Variants in ENOX1 observed in about 807,000 individuals in gnomAD.
ENOX1 encodes ecto-NOX disulfide-thiol exchanger 1, also known as candidate growth-related and time keeping constitutive hydroquinone (NADH) oxidase.
ENOX1 carries 42 observed loss-of-function variants against 82.5 expected under a neutral mutation model. That is an observed-to-expected ratio of 0.51 (90% CI 0.40 to 0.66). The LOEUF (loss-of-function observed/expected upper bound fraction) is 0.66. ENOX1 is among the 30% of genes least tolerant of loss of function. ENOX1 has a pLI of 0.00. For missense variants in ENOX1, 608 were observed against 811.6 expected, an observed-to-expected ratio of 0.75 and a Z score of 3.05; for synonymous variants, 271 against 282.2, an observed-to-expected ratio of 0.96 and a Z score of 0.40.
chr13:43,445,415 C>A lies in ENOX1; in HGVS notation c.-74-32427G>T, dbSNP rs56967477. Among the ~76,000 whole-genome samples, 1,155 of 151,218 alleles carry A rather than the reference C, an allele frequency of 7.6e-3. 16 individuals are homozygous for A. Among genetic ancestry groups the A allele is most frequent in the African/African-American group, 0.027 (1,103 of 41,394 alleles). On this transcript the variant is annotated intron_variant, in intron 3 of 16. Transcript: ENST00000690772. ...TGGGATTACAGGTGTGAGCCACTGC[C>A]CCCGGCCCACTTTCTGGGTCTTATA...
chr13:43,338,938 G>C (rs1044900160), intron 9 of ENOX1, among the ~76,000 whole-genome samples: 1 of 152,120 alleles, frequency 6.6e-6, no homozygotes, highest in Non-Finnish European at 1.5e-5. Context: ...GCCCGCCTTG[G>C]CCTCCCAAAG....
At chr13:43,756,286 C>T (rs911808142) in intron 1 of ENOX1, among the ~76,000 whole-genome samples, 2 of 151,800 alleles carry the variant, frequency 1.3e-5, no homozygotes, top group African/African-American at 4.8e-5. Context: ...AATTAGCTAC[C>T]TGTGGTGGCT....
intron 12 of ENOX1, among the ~76,000 whole-genome samples, chr13:43,270,826 C>T (rs1202963161): frequency 6.6e-6 from 1 of 152,194 alleles, no homozygotes; most frequent in Non-Finnish European, 1.5e-5. Context: ...ACCACCTGCC[C>T]ATGGAATAAT....
intron 2 of ENOX1, among the ~76,000 whole-genome samples, chr13:43,525,251 GAC>G (rs753826055): frequency 1.3e-4 from 20 of 152,046 alleles, no homozygotes; most frequent in Non-Finnish European, 2.5e-4. Flanking sequence ...ACATCCATGA[GAC>G]AATAACTCCC....
At chr13:43,346,049 T>A (rs758514556) in intron 8 of ENOX1, among the ~76,000 whole-genome samples, 4 of 152,184 alleles carry the variant, frequency 2.6e-5, no homozygotes, top group Non-Finnish European at 5.9e-5. Context: ...TTAAAATCAA[T>A]CATTGAGTTC....
intron 2 of ENOX1, among the ~76,000 whole-genome samples, chr13:43,538,748 T>C (rs1358720773): frequency 3.3e-5 from 5 of 152,226 alleles, no homozygotes; most frequent in Non-Finnish European, 7.3e-5. Flanking sequence ...CACCTGGCTA[T>C]AGTTTTAGTC....
intron 11 of ENOX1, among the ~76,000 whole-genome samples, chr13:43,309,136 C>T (rs1440293786): frequency 6.6e-6 from 1 of 151,914 alleles, no homozygotes; most frequent in African/African-American, 2.4e-5. Flanking sequence ...ATTCTCCTGC[C>T]TCAGCCTCCC....
intron 2 of ENOX1, among the ~76,000 whole-genome samples, chr13:43,569,182 C>A (rs1175511605): frequency 6.6e-6 from 1 of 152,140 alleles, no homozygotes; most frequent in African/African-American, 2.4e-5. Context: ...TCTTTCCAAG[C>A]TATACTGATA....
chr13:43,603,255 A>G (rs1408334598), intron 2 of ENOX1, among the ~76,000 whole-genome samples: 1 of 152,044 alleles, frequency 6.6e-6, no homozygotes, highest in Non-Finnish European at 1.5e-5. Flanking sequence ...GCTTTTCCCC[A>G]TAAGTTATAA....
At chr13:43,468,508 A>G (rs1408358193) in intron 3 of ENOX1, among the ~76,000 whole-genome samples, 2 of 152,002 alleles carry the variant, frequency 1.3e-5, no homozygotes, top group African/African-American at 2.4e-5. Flanking sequence ...AAGCCAGTCA[A>G]AGCAGGCGCA....
intron 2 of ENOX1, among the ~76,000 whole-genome samples, chr13:43,501,894 G>A (rs753616296): frequency 4.7e-5 from 7 of 149,690 alleles, no homozygotes; most frequent in Non-Finnish European, 7.4e-5. Flanking sequence ...AATATTAAAC[G>A]TTAGAACAGA....
intron 2 of ENOX1, among the ~76,000 whole-genome samples, chr13:43,568,798 T>A (rs189514734): frequency 6.6e-6 from 1 of 152,094 alleles, no homozygotes; most frequent in East Asian, 1.9e-4. Flanking sequence ...ACTCATTCTA[T>A]GAGACTAAAC....
At chr13:43,633,903 T>C (rs1213802690) in intron 2 of ENOX1, among the ~76,000 whole-genome samples, 1 of 152,142 alleles carries the variant, frequency 6.6e-6, no homozygotes, top group East Asian at 1.9e-4. Flanking sequence ...ATTTCAAATA[T>C]ACAAATTGCA....
chr13:43,510,670 A>G (rs1248927372), intron 2 of ENOX1, among the ~76,000 whole-genome samples: 1 of 152,116 alleles, frequency 6.6e-6, no homozygotes, highest in Non-Finnish European at 1.5e-5. Flanking sequence ...GCAGTTGTTC[A>G]AAGTGTAAAC....
At chr13:43,300,401 CA>C (rs530495437) in intron 11 of ENOX1, among the ~76,000 whole-genome samples, 1 of 151,718 alleles carries the variant, frequency 6.6e-6, no homozygotes, top group Non-Finnish European at 1.5e-5. Context: ...AGATGCATGA[CA>C]AAAAAATGCA....
intron 2 of ENOX1, among the ~76,000 whole-genome samples, chr13:43,666,036 C>T (rs1424357602): frequency 6.6e-6 from 1 of 151,466 alleles, no homozygotes; most frequent in Non-Finnish European, 1.5e-5. Flanking sequence ...GTTATGTTTA[C>T]ACTATACTAT....
At chr13:43,246,018 G>C (rs1180205089) in intron 14 of ENOX1, among the ~76,000 whole-genome samples, 1 of 152,160 alleles carries the variant, frequency 6.6e-6, no homozygotes, top group East Asian at 1.9e-4. Context: ...TTTACTGCCA[G>C]AGATATCCAG....
At chr13:43,489,179 C>T (rs1318484922) in intron 2 of ENOX1, among the ~76,000 whole-genome samples, 1 of 152,120 alleles carries the variant, frequency 6.6e-6, no homozygotes, top group Non-Finnish European at 1.5e-5. Context: ...GCTGCCCCTC[C>T]CATCATGGGC....
At chr13:43,613,139 T>C (rs2082269191) in intron 2 of ENOX1, among the ~76,000 whole-genome samples, 1 of 152,126 alleles carries the variant, frequency 6.6e-6, no homozygotes, top group East Asian at 1.9e-4. Context: ...CAAATTTAGA[T>C]GAGTTAACAG....
Sources: allele counts gnomAD v4.1 joint callset (sites outside exome capture counted in the v4.1 genomes callset), GRCh38; gene constraint gnomAD v4.1.1; transcripts MANE v1.5; gene names NCBI Gene and HGNC (gene_info 2026-07-23, HGNC 2026-07-21).